The following MTAP variants were observed in gnomAD, a reference collection of about 807,000 sequenced individuals.
MTAP encodes the protein S-methyl-5'-thioadenosine phosphorylase.
MTAP carries 33 observed loss-of-function variants against 33.6 expected under a neutral mutation model. That is an observed-to-expected ratio of 0.98 (90% CI 0.74 to 1.31). MTAP has a LOEUF of 1.31. Ranked by LOEUF, MTAP falls within the 40% of genes most tolerant of loss-of-function variation. MTAP has a pLI of 0.00. For synonymous variants in MTAP, 148 were observed against 125.7 expected, an observed-to-expected ratio of 1.18 and a Z score of -1.19; for missense variants, 367 against 360.0, an observed-to-expected ratio of 1.02 and a Z score of -0.16.
At chr9:21,853,397 A>G (rs768227559) in intron 5 of MTAP, among the ~76,000 whole-genome samples, 10 of 152,232 alleles carry the variant, frequency 6.6e-5, no homozygotes, top group African/African-American at 1.7e-4. Flanking sequence ...CAGCATTTAT[A>G]AGATAAACAT....
At chr9:21,915,456 A>G (rs974939809) in intron 1 of MTAP, among the ~76,000 whole-genome samples, 1 of 151,914 alleles carries the variant, frequency 6.6e-6, no homozygotes, top group Non-Finnish European at 1.5e-5. Flanking sequence ...TTGTTTATTC[A>G]TTTGTCACCT....
intron 1 of MTAP, among the ~76,000 whole-genome samples, chr9:21,877,281 T>C (rs1321787198): frequency 1.3e-5 from 2 of 152,162 alleles, no homozygotes; most frequent in Non-Finnish European, 2.9e-5. Flanking sequence ...GTTTTCTATA[T>C]AGATAATCAT....
At position 21,865,908 on chromosome 9, in the gene MTAP, T is replaced by TCAACA; in HGVS notation, c.*3894_*3895insCAACA. ...ACAATTTGATTATCTATTCACCTGT[T>TCAACA]GATGAATGTTTGAATTTTTTCCATT... On this transcript the variant is annotated 3_prime_UTR_variant, in exon 8 of 8. Transcript: ENST00000644715. 1 of 568,606 alleles carries TCAACA rather than the reference T, an allele frequency of 1.8e-6. No individual in the cohort carries two copies. Among genetic ancestry groups the TCAACA allele is most frequent in the Non-Finnish European group, 2.2e-6 (1 of 448,588 alleles). The allele number at this position is 568,606 out of a possible 1,614,324, so 35.2% of individuals were successfully genotyped here. A position where few individuals can be genotyped will look rare whatever the true frequency, so the allele number is the denominator to read the frequency against.
chr9:21,888,250 A>C (rs371202421), intron 1 of MTAP, among the ~76,000 whole-genome samples: 1 of 152,122 alleles, frequency 6.6e-6, no homozygotes, highest in South Asian at 2.1e-4. Flanking sequence ...CATATGCTCT[A>C]TGTTGGAGAA....
chr9:21,925,821 A>T (rs1818860696), intron 1 of MTAP, among the ~76,000 whole-genome samples: 1 of 152,234 alleles, frequency 6.6e-6, no homozygotes, highest in Non-Finnish European at 1.5e-5. Context: ...TGGATGTGGC[A>T]GGTAGGACTA....
Position 21,912,878 on chromosome 9 carries a change from A to G in MTAP, c.148-18130A>G, listed in dbSNP as rs373948027. 1.7e-4 allele frequency among the ~76,000 whole-genome samples: 26 copies of G among 152,344 alleles called. No homozygotes were observed. In the East Asian group the frequency reaches 3.3e-3, roughly 19 times the overall value. On this transcript the variant is annotated intron_variant, in intron 1 of 1. Coordinates refer to the MTAP transcript ENST00000577563. ...GCAGATAACCTGATTGTATATCTAGAAAACCCCATCGTCTCAGTCCAAAAT... is the reference window on the plus strand; with the variant it reads ...GCAGATAACCTGATTGTATATCTAGGAAACCCCATCGTCTCAGTCCAAAAT...
intron 1 of MTAP, among the ~76,000 whole-genome samples, chr9:21,911,344 C>T (rs1338281962): frequency 6.6e-6 from 1 of 152,158 alleles, no homozygotes; most frequent in African/African-American, 2.4e-5. Context: ...CAGCACCACA[C>T]TGCACCTATT....
At chr9:21,833,592 T>C (rs1302479367) in intron 4 of MTAP, among the ~76,000 whole-genome samples, 1 of 152,222 alleles carries the variant, frequency 6.6e-6, no homozygotes, top group Non-Finnish European at 1.5e-5. Flanking sequence ...ATATTTTAAA[T>C]GATGGGTAGA....
At chr9:21,857,542 T>G (rs1451392904) in intron 6 of MTAP, among the ~76,000 whole-genome samples, 1 of 152,246 alleles carries the variant, frequency 6.6e-6, no homozygotes. Flanking sequence ...CTATCTCTGA[T>G]GGTAATTTTG....
Position 21,863,670 on chromosome 9 carries a change from A to G in MTAP, c.*1656A>G, listed in dbSNP as rs942421832. 4.1e-5 allele frequency: 40 copies of G among 985,132 alleles called. No individual in the cohort carries two copies. Among genetic ancestry groups the G allele is most frequent in the Middle Eastern group, 1.0e-3 (2 of 1,934 alleles). 61.0% of individuals were successfully genotyped at this position (985,132 alleles called of 1,614,324 possible). On this transcript the variant is annotated 3_prime_UTR_variant, in exon 8 of 8. Coordinates refer to ENST00000644715, the MANE Select transcript of MTAP (RefSeq NM_002451.4). Reference sequence around the variant, plus strand: ...TGCTTTTTGTTTGCTTCAGTTTTTTATCATGGGGAGATCTTTTTCCTCAGA... The same window carrying G: ...TGCTTTTTGTTTGCTTCAGTTTTTTGTCATGGGGAGATCTTTTTCCTCAGA...
In MTAP at chr9:21,818,203, G is replaced by A; in HGVS notation, c.347+1G>A. On this transcript the variant is annotated splice_donor_variant, in intron 4 of 7. Transcript: ENST00000644715. LOFTEE classifies it high-confidence loss of function. Reference sequence around the variant, plus strand: ...TCATTATTGATCAGTTCATTGACAGGTAAGCAGTCATACAAAATGCTTTAG... The same window carrying A: ...TCATTATTGATCAGTTCATTGACAGATAAGCAGTCATACAAAATGCTTTAG... The A allele has an allele frequency of 6.2e-7, 1 of 1,610,992 alleles. No homozygotes were observed. Among genetic ancestry groups the A allele is most frequent in the Non-Finnish European group, 8.5e-7 (1 of 1,178,400 alleles).
intron 1 of MTAP, among the ~76,000 whole-genome samples, chr9:21,813,562 G>C (rs1824403725): frequency 6.6e-6 from 1 of 152,172 alleles, no homozygotes; most frequent in Non-Finnish European, 1.5e-5. Context: ...AAACTCAGAG[G>C]GTGGCTCCAA....
chr9:21,824,569 G>C (rs922048332), intron 4 of MTAP, among the ~76,000 whole-genome samples: 5 of 152,260 alleles, frequency 3.3e-5, no homozygotes, highest in Non-Finnish European at 4.4e-5. Flanking sequence ...TGAGGAGGCA[G>C]TCTGTCCATT....
At chr9:21,928,016 A>G (rs1408082489) in intron 1 of MTAP, among the ~76,000 whole-genome samples, 2 of 152,218 alleles carry the variant, frequency 1.3e-5, no homozygotes, top group East Asian at 3.8e-4. Context: ...CCAAAAAGCT[A>G]AAGAGGCAGC....
In MTAP at chr9:21,832,789, C is replaced by T. The variant is rs1259696948; in HGVS notation, c.348-5119C>T. On this transcript the variant is annotated intron_variant, in intron 4 of 7. Transcript: ENST00000644715. ...TGTCACAATCAGTTAATCCCACTTA[C>T]GGCATACAGCAGTCATTATTCCAGT... 2.6e-5 allele frequency among the ~76,000 whole-genome samples: 4 copies of T among 152,318 alleles called. No individual in the cohort carries two copies. In the East Asian group the frequency reaches 7.7e-4, roughly 29 times the overall value.
chr9:21,875,760 A>G (rs994404116), intron 1 of MTAP, among the ~76,000 whole-genome samples: 1 of 152,142 alleles, frequency 6.6e-6, no homozygotes, highest in Non-Finnish European at 1.5e-5. Context: ...TCCATGGTAC[A>G]TATGTACCAC....
intron 1 of MTAP, among the ~76,000 whole-genome samples, chr9:21,911,287 C>T (rs561843569): frequency 6.6e-6 from 1 of 152,288 alleles, no homozygotes; most frequent in Admixed American, 6.5e-5. Flanking sequence ...ACCTAATAGA[C>T]ATCTACAGAA....
In MTAP at chr9:21,900,175, C is replaced by G. The variant is rs144851931; in HGVS notation, c.148-30833C>G. 5.4e-3 allele frequency among the ~76,000 whole-genome samples: 828 copies of G among 152,228 alleles called. 15 individuals carry two copies. The highest frequency in any genetic ancestry group is 0.049 in the East Asian group (254 of 5,172). On this transcript the variant is annotated intron_variant, in intron 1 of 1. Transcript: ENST00000577563. ...CAATTGCAACAAGAACAAAAATTGACAAGTGGGACCTAATTAAACTAAAGA... is the reference window on the plus strand; with the variant it reads ...CAATTGCAACAAGAACAAAAATTGAGAAGTGGGACCTAATTAAACTAAAGA...
chr9:21,853,114 C>T (rs1415419773), intron 5 of MTAP, among the ~76,000 whole-genome samples: 1 of 152,172 alleles, frequency 6.6e-6, no homozygotes, highest in African/African-American at 2.4e-5. Context: ...TCCATTTCTT[C>T]CTCCTCCTCA....
Sources: gnomAD v4.1 joint callset for allele counts (sites outside exome capture counted in the v4.1 genomes callset) on GRCh38, gnomAD v4.1.1 for gene constraint, MANE v1.5 for transcripts, NCBI Gene and HGNC (gene_info 2026-07-23, HGNC 2026-07-21) for gene names.